The following MYH1 variants were observed in gnomAD, a reference collection of about 807,000 sequenced individuals.
MYH1 encodes the protein myosin-1.
A neutral mutation model predicts 225.6 loss-of-function variants in MYH1; 214 were observed. The ratio of observed to expected loss-of-function variants is 0.95; its 90% confidence interval spans 0.85 to 1.06. MYH1 has a LOEUF of 1.06. Ranked by LOEUF, MYH1 falls within the 50% of genes least tolerant of loss-of-function variation. MYH1 has a pLI of 0.00. For missense variants in MYH1, 2,098 were observed against 2,344.2 expected (o/e 0.89, Z 2.17); for synonymous variants, 774 against 842.3 (o/e 0.92, Z 1.40).
chr17:10,508,758 G>C, intron 15 of MYH1, 86 bp from the exon 16 acceptor site: 1 of 1,507,446 alleles, frequency 6.6e-7, no homozygotes, highest in South Asian at 1.3e-5. Flanking sequence ...TCCCATCTGA[G>C]TAAATTCATC....
At chr17:10,499,790 T>C (rs1567716655) in intron 28 of MYH1, among the ~76,000 whole-genome samples, 1 of 152,240 alleles carries the variant, frequency 6.6e-6, no homozygotes, top group Admixed American at 6.5e-5. Flanking sequence ...TAAATATTTA[T>C]TCTGAACTTT....
chr17:10,508,460 G>T lies in MYH1; in HGVS notation c.1800C>A (p.Asn600Lys). ...DYNIAGWLDKNKDPLNETVVG... is the reference protein window; with the variant it reads ...DYNIAGWLDKKKDPLNETVVG... Reference sequence around the variant, plus strand: ...CCACAGTCTCATTCAGGGGGTCCTTGTTCTTGTCAAGCCAGCCGGCAATGT... The same window carrying T: ...CCACAGTCTCATTCAGGGGGTCCTTTTTCTTGTCAAGCCAGCCGGCAATGT... Residue 600 changes from asparagine to lysine, a missense_variant, in exon 16 of 40, where the codon AAC becomes AAA. Asn to Lys is a moderately conservative substitution (Grantham distance 94). Coordinates refer to ENST00000226207, the MANE Select transcript of MYH1 (RefSeq NM_005963.4). 6.2e-7 allele frequency: 1 copy of T among 1,614,202 alleles called. No individual in the cohort carries two copies. Among genetic ancestry groups the T allele is most frequent in the South Asian group, 1.1e-5 (1 of 91,080 alleles).
intron 19 of MYH1, 62 bp downstream of exon 19, chr17:10,505,750 T>A (rs567856656): frequency 5.0e-6 from 8 of 1,598,216 alleles, no homozygotes; most frequent in Non-Finnish European, 6.0e-6. Context: ...GATTCTTTCA[T>A]TGAAAAATGT....
In MYH1 at chr17:10,498,990, A is replaced by C. The variant is rs780484505; in HGVS notation, c.3968T>G (p.Leu1323Arg). The part of the protein sequence containing the change: ...TQQIEELKRQ[L>R]EEEIKAKSAL... Reference sequence around the variant, plus strand: ...GGAGCTTACCTTTATCTCCTCTTCAAGTTGCCTTTTCAGTTCCTCAATCTG... The same window carrying C: ...GGAGCTTACCTTTATCTCCTCTTCACGTTGCCTTTTCAGTTCCTCAATCTG... The change falls in exon 29 of 40, where the codon CTT becomes CGT. Residue 1323 changes from leucine to arginine, a missense_variant. By Grantham distance (102) the Leu-to-Arg change is moderately radical. Transcript: ENST00000226207. 1.2e-6 allele frequency: 2 copies of C among 1,612,958 alleles called. No homozygotes were observed. Among genetic ancestry groups the C allele is most frequent in the Non-Finnish European group, 1.7e-6 (2 of 1,179,004 alleles).
At chr17:10,500,513 G>T (rs1033196501) in intron 28 of MYH1, 113 bp downstream of exon 28, 7 of 1,484,308 alleles carry the variant, frequency 4.7e-6, no homozygotes, top group Non-Finnish European at 6.4e-6. Flanking sequence ...TATTAGTGGG[G>T]ATCTCCCAGG....
Position 10,497,080 on chromosome 17 carries a change from C to G in MYH1, c.4645G>C (p.Glu1549Gln), listed in dbSNP as rs139117615. Residue 1549 changes from glutamate (E) to glutamine (Q), a missense_variant, in exon 33 of 40, where the codon GAG (glutamate) becomes CAG (glutamine). Glu to Gln is a conservative substitution (Grantham distance 29, BLOSUM62 2). Transcript: ENST00000226207. ...AATAAAATGCTTACCTCTGCCTCCT[C>G]TAAGGCAGCCTGAAGTTCAGACTTT... ...QEKSELQAALEEAEASLEHEE... is the reference protein window; with the variant it reads ...QEKSELQAALQEAEASLEHEE... The G allele has an allele frequency of 7.4e-6, 12 of 1,613,820 alleles. No homozygotes were observed. In the African/African-American group the frequency reaches 1.2e-4, roughly 16 times the overall value.
chr17:10,516,178 A>C (rs754149156), intron 4 of MYH1, 21 bp downstream of exon 4: 2 of 1,614,038 alleles, frequency 1.2e-6, no homozygotes, highest in South Asian at 2.2e-5. Flanking sequence ...CATGAGTAGA[A>C]GACCGTGAGA....
In MYH1 at chr17:10,512,172, G is replaced by C. The variant is rs752939333; in HGVS notation, c.1168C>G (p.Leu390Val). The C allele has an allele frequency of 2.5e-6, 4 of 1,614,154 alleles. No individual in the cohort carries two copies. The highest frequency in any genetic ancestry group is 3.4e-6 in the Non-Finnish European group (4 of 1,180,000). Residue 390 changes from leucine to valine, a missense_variant, in exon 13 of 40, where the codon CTC becomes GTC. By Grantham distance (32) the Leu-to-Val change is conservative. Transcript: ENST00000226207. ...AGATCTGCAGAGTTCAGATTTTGGAGATAGGCTGCCTTGTCAGCAACTGCA... is the reference window on the plus strand; with the variant it reads ...AGATCTGCAGAGTTCAGATTTTGGACATAGGCTGCCTTGTCAGCAACTGCA... Reference protein sequence around the residue: ...GTEVADKAAYLQNLNSADLLK... With the variant: ...GTEVADKAAYVQNLNSADLLK...
At chr17:10,506,173 G>A in intron 17 of MYH1, 74 bp from the exon 18 acceptor site, 2 of 1,565,532 alleles carry the variant, frequency 1.3e-6, no homozygotes, top group Non-Finnish European at 1.8e-6. Context: ...CATAATTATT[G>A]AGATCTATGA....
intron 14 of MYH1, among the ~76,000 whole-genome samples, chr17:10,511,439 G>A (rs566712592): frequency 1.3e-5 from 2 of 152,082 alleles, no homozygotes; most frequent in Non-Finnish European, 2.9e-5. Context: ...GTATCTTACT[G>A]TTTACTGAGT....
chr17:10,508,722 G>A, intron 15 of MYH1, 50 bp from the exon 16 acceptor site: 14 of 1,585,918 alleles, frequency 8.8e-6, no homozygotes, highest in African/African-American at 1.4e-5. Flanking sequence ...TCTGCTTATA[G>A]AAATAACATT....
At chr17:10,493,248 G>T (rs2072952933) in intron 39 of MYH1, among the ~76,000 whole-genome samples, 1 of 152,204 alleles carries the variant, frequency 6.6e-6, no homozygotes, top group South Asian at 2.1e-4. Flanking sequence ...GAGGAAAGTA[G>T]GAACTGGAGA....
At position 10,512,553 on chromosome 17, in the gene MYH1, T is replaced by G. The variant is rs773793379; in HGVS notation, c.1009-7A>C. The G allele has an allele frequency of 1.2e-6, 2 of 1,613,908 alleles. No individual in the cohort carries two copies. Among genetic ancestry groups the G allele is most frequent in the African/African-American group, 2.7e-5 (2 of 74,920 alleles). On this transcript the variant is annotated splice_region_variant and splice_polypyrimidine_tract_variant and intron_variant, in intron 11 of 39. Transcript: ENST00000226207. Reference sequence around the variant, plus strand: ...CCAGAATTTCAATGGCACTCTACCATGAGAGATGAGAAGACAAAGATTAGG... The same window carrying G: ...CCAGAATTTCAATGGCACTCTACCAGGAGAGATGAGAAGACAAAGATTAGG...
In MYH1 at chr17:10,501,313, G is replaced by C; in HGVS notation, c.3535C>G (p.Arg1179Gly). 6 of 1,614,130 alleles carry C rather than the reference G, an allele frequency of 3.7e-6. No homozygotes were observed. Among genetic ancestry groups the C allele is most frequent in the Non-Finnish European group, 5.1e-6 (6 of 1,180,032 alleles). ...KKREAEFQKM[R>G]RDLEEATLQH... ...AGGGTGGCCTCCTCCAGGTCCCTGCGCATTTTCTGGAACTCAGCCTCCCGC... is the reference window on the plus strand; with the variant it reads ...AGGGTGGCCTCCTCCAGGTCCCTGCCCATTTTCTGGAACTCAGCCTCCCGC... The change falls in exon 27 of 40, where the codon CGC becomes GGC. Residue 1179 changes from arginine to glycine, a missense_variant. Transcript: ENST00000226207.
At position 10,509,513 on chromosome 17, in the gene MYH1, A is replaced by T; in HGVS notation, c.1559T>A (p.Leu520Gln). The T allele has an allele frequency of 6.2e-7, 1 of 1,614,200 alleles. No homozygotes were observed. Among genetic ancestry groups the T allele is most frequent in the Non-Finnish European group, 8.5e-7 (1 of 1,180,040 alleles). ...EWTFIDFGMDLAACIELIEKP... is the reference protein window; with the variant it reads ...EWTFIDFGMDQAACIELIEKP... ...CTCGATGAGCTCGATGCAGGCAGCC[A>T]GGTCCATCCCAAAGTCAATGAACGT... The change falls in exon 15 of 40, where the codon CTG becomes CAG. Residue 520 changes from leucine (L) to glutamine (Q), a missense_variant. Transcript: ENST00000226207.
intron 2 of MYH1, among the ~76,000 whole-genome samples, chr17:10,517,992 A>C (rs1389973169): frequency 6.6e-6 from 1 of 152,196 alleles, no homozygotes; most frequent in East Asian, 1.9e-4. Context: ...AGTGAATGAA[A>C]TTCACTATTG....
intron 24 of MYH1, 40 bp from the exon 25 acceptor site, chr17:10,501,951 T>G: frequency 6.4e-7 from 1 of 1,561,356 alleles, no homozygotes; most frequent in South Asian, 1.2e-5. Context: ...CTTAGAATGG[T>G]AGCACCTTTT....
Position 10,494,642 on chromosome 17 carries a change from T to C in MYH1, c.5498A>G (p.Glu1833Gly). Reference sequence around the variant, plus strand: ...GACAGCTTCAACATTGCGCTTCTGTTCACTTTCAACTTCACCTTCAAGTTC... The same window carrying C: ...GACAGCTTCAACATTGCGCTTCTGTCCACTTTCAACTTCACCTTCAAGTTC... Reference protein sequence around the residue: ...VRELEGEVESEQKRNVEAVKG... With the variant: ...VRELEGEVESGQKRNVEAVKG... Residue 1833 changes from glutamate to glycine, a missense_variant, in exon 38 of 40, where the codon GAA becomes GGA. Coordinates refer to ENST00000226207, the MANE Select transcript of MYH1 (RefSeq NM_005963.4). 6.2e-7 allele frequency: 1 copy of C among 1,614,092 alleles called. No homozygotes were observed.
At position 10,514,868 on chromosome 17, in the gene MYH1, G is replaced by A. The variant is rs139608801; in HGVS notation, c.533C>T (p.Thr178Ile). 1.5e-4 allele frequency: 235 copies of A among 1,611,450 alleles called. 2 individuals are homozygous for A. The highest frequency in any genetic ancestry group is 1.8e-4 in the Non-Finnish European group (207 of 1,178,490). ...TAAATCTCAGAATAGGAATACATACGTGATCAAGATAGACTGATTCTCCCG... is the reference window on the plus strand; with the variant it reads ...TAAATCTCAGAATAGGAATACATACATGATCAAGATAGACTGATTCTCCCG... The part of the protein sequence containing the change: ...TDRENQSILI[T>I]GESGAGKTVN... The change falls in exon 6 of 40, where the codon ACC becomes ATC. Residue 178 changes from threonine to isoleucine, a missense_variant and splice_region_variant. Physicochemically the swap from Thr to Ile is moderately conservative, Grantham distance 89. Coordinates refer to ENST00000226207, the MANE Select transcript of MYH1 (RefSeq NM_005963.4).
Sources: allele counts gnomAD v4.1 joint callset (sites outside exome capture counted in the v4.1 genomes callset), GRCh38; gene constraint gnomAD v4.1.1; transcripts MANE v1.5; gene names NCBI Gene and HGNC (gene_info 2026-07-23, HGNC 2026-07-21).